The following NUF2 variants were observed in gnomAD, a reference collection of about 807,000 sequenced individuals.
The protein encoded by NUF2 is kinetochore protein Nuf2.
NUF2 carries 34 observed loss-of-function variants against 61.8 expected under a neutral mutation model. That is an observed-to-expected ratio of 0.55 (90% CI 0.42 to 0.73). The LOEUF (loss-of-function observed/expected upper bound fraction) is 0.73. Among genes scored for constraint, NUF2 ranks in the 30% least tolerant of loss-of-function variants. The pLI is 0.00. For synonymous variants in NUF2, 172 were observed against 181.6 expected (o/e 0.95, Z 0.42); for missense variants, 445 against 539.1 (o/e 0.83, Z 1.73).
At chr1:163,327,890 C>A in intron 3 of NUF2, 1 of 359,424 alleles carries the variant, frequency 2.8e-6, no homozygotes, top group Non-Finnish European at 5.0e-6. Context: ...ATATTGTTCT[C>A]TTTTCAGGAA....
chr1:163,328,665 A>T, intron 4 of NUF2, 181 bp from the exon 5 acceptor site: 1 of 526,492 alleles, frequency 1.9e-6, no homozygotes, highest in Non-Finnish European at 3.3e-6. Flanking sequence ...TGATTAATAT[A>T]CAGAAAAAAT....
intron 5 of NUF2, among the ~76,000 whole-genome samples, chr1:163,330,433 G>A (rs978944315): frequency 7.9e-5 from 12 of 152,124 alleles, no homozygotes; most frequent in Non-Finnish European, 1.8e-4. Context: ...TGATCTGTAT[G>A]TCTATCTTTA....
Position 163,338,017 on chromosome 1 carries a change from T to C in NUF2, c.436-3T>C. 1 of 1,612,182 alleles carries C rather than the reference T, an allele frequency of 6.2e-7. No homozygotes were observed. The highest frequency in any genetic ancestry group is 1.7e-5 in the Admixed American group (1 of 59,978). ...TATGAGATGATTAAAATTGCTTTAATAGAAATCCTCTGCGGACAAAATGCA... is the reference window on the plus strand; with the variant it reads ...TATGAGATGATTAAAATTGCTTTAACAGAAATCCTCTGCGGACAAAATGCA... On this transcript the variant is annotated splice_polypyrimidine_tract_variant and splice_region_variant and intron_variant, in intron 6 of 13. Coordinates refer to ENST00000271452, the MANE Select transcript of NUF2 (RefSeq NM_145697.3).
intron 1 of NUF2, among the ~76,000 whole-genome samples, chr1:163,322,552 C>T (rs1466785476): frequency 5.3e-5 from 8 of 152,202 alleles, no homozygotes; most frequent in Non-Finnish European, 8.8e-5. Flanking sequence ...ACTACGCATG[C>T]ATAACGCCAT....
intron 10 of NUF2, 95 bp downstream of exon 10, chr1:163,343,965 A>G (rs1651033179): frequency 1.4e-6 from 1 of 699,622 alleles, no homozygotes; most frequent in Non-Finnish European, 2.1e-6. Flanking sequence ...TTTCTGAATT[A>G]TCTATACTTC....
rs1211916728 is a variant in NUF2, at chr1:163,355,630, T to C, written c.*161T>C. On this transcript the variant is annotated 3_prime_UTR_variant, in exon 14 of 14. Coordinates refer to ENST00000271452, the MANE Select transcript of NUF2 (RefSeq NM_145697.3). ...AGTAGTTAATAAGATGAATTTAATG[T>C]AGGCTTTTATTAATTTATAATTAAA... The C allele has an allele frequency of 1.2e-5, 5 of 428,558 alleles. No individual in the cohort carries two copies. Among genetic ancestry groups the C allele is most frequent in the African/African-American group, 2.1e-5 (1 of 48,670 alleles). The allele number at this position is 428,558 out of a possible 1,614,324, so 26.5% of individuals were successfully genotyped here.
intron 6 of NUF2, 144 bp downstream of exon 6, chr1:163,336,992 T>C (rs556196552): frequency 1.7e-6 from 1 of 585,416 alleles, no homozygotes; most frequent in South Asian, 2.3e-5. Flanking sequence ...TTATATTAAC[T>C]TGCAGATTTT....
At chr1:163,349,388 C>G (rs1651236592) in intron 13 of NUF2, among the ~76,000 whole-genome samples, 1 of 151,958 alleles carries the variant, frequency 6.6e-6, no homozygotes, top group Non-Finnish European at 1.5e-5. Context: ...TAGTATATTC[C>G]TAATATATTT....
intron 7 of NUF2, 97 bp downstream of exon 7, chr1:163,338,190 T>C: frequency 1.2e-6 from 1 of 809,680 alleles, no homozygotes; most frequent in Non-Finnish European, 2.0e-6. Flanking sequence ...CTTAAGTCTC[T>C]TTTATCTCCC....
At chr1:163,346,355 G>A (rs910254503) in intron 11 of NUF2, 1 of 152,148 alleles carries the variant, frequency 6.6e-6, no homozygotes, top group African/African-American at 2.4e-5. Flanking sequence ...GTACAATGAT[G>A]TGAGATGATA....
chr1:163,345,588 G>A (rs1426698253), intron 10 of NUF2, 90 bp from the exon 11 acceptor site: 5 of 1,175,708 alleles, frequency 4.3e-6, no homozygotes, highest in Non-Finnish European at 6.1e-6. Context: ...TATTAAATGT[G>A]GAAATTATTT....
At chr1:163,334,830 G>A (rs1414643416) in intron 5 of NUF2, among the ~76,000 whole-genome samples, 1 of 152,134 alleles carries the variant, frequency 6.6e-6, no homozygotes, top group East Asian at 1.9e-4. Context: ...TTTTTCTTGA[G>A]CCCTCGGTGG....
intron 13 of NUF2, among the ~76,000 whole-genome samples, chr1:163,353,893 G>A (rs867759719): frequency 3.9e-5 from 6 of 152,134 alleles, no homozygotes; most frequent in South Asian, 2.1e-4. Flanking sequence ...ACTTGTTCTC[G>A]GAAGGAAAGT....
In NUF2 at chr1:163,327,698, A is replaced by T. The variant is rs1243686451; in HGVS notation, c.198+136A>T. The T allele has an allele frequency of 6.5e-6, 4 of 613,852 alleles. No individual in the cohort carries two copies. The Admixed American group carries it at 1.2e-4, about 18-fold the overall frequency. 38.0% of individuals were successfully genotyped at this position (613,852 alleles called of 1,614,324 possible). A position where few individuals can be genotyped will look rare whatever the true frequency, so the allele number is the denominator to read the frequency against. ...GACTTTATTTTTAACAAATTCAAAGACATATAAAATTAGTGTCACTTACAA... is the reference window on the plus strand; with the variant it reads ...GACTTTATTTTTAACAAATTCAAAGTCATATAAAATTAGTGTCACTTACAA... On this transcript the variant is annotated intron_variant, in intron 3 of 13. Coordinates refer to ENST00000271452, the MANE Select transcript of NUF2 (RefSeq NM_145697.3).
At chr1:163,328,538 G>A (rs895418489) in intron 4 of NUF2, 18 of 493,896 alleles carry the variant, frequency 3.6e-5, no homozygotes, top group African/African-American at 2.2e-4. Context: ...ACTGTAAGTC[G>A]AAAATTGTTT....
intron 2 of NUF2, among the ~76,000 whole-genome samples, chr1:163,326,860 A>G (rs1650433861): frequency 6.6e-6 from 1 of 152,148 alleles, no homozygotes; most frequent in Non-Finnish European, 1.5e-5. Flanking sequence ...CAGCTTTCTT[A>G]AAAGATTACC....
rs531641285 is a variant in NUF2, at chr1:163,345,299, G to A, written c.808-379G>A. On this transcript the variant is annotated intron_variant, in intron 10 of 13. Transcript: ENST00000271452. ...TTTAAAAGAATTAGCTATAGTAGTC[G>A]TTATTATACAAATGAATGGGAAGAT... is the stretch of plus-strand genomic sequence containing the variant. Among the ~76,000 whole-genome samples the A allele has an allele frequency of 5.7e-4, 86 of 152,168 alleles. 1 individual carries two copies. The highest frequency in any genetic ancestry group is 2.0e-3 in the African/African-American group (81 of 41,530).
intron 2 of NUF2, among the ~76,000 whole-genome samples, chr1:163,326,467 A>G (rs965718449): frequency 6.6e-6 from 1 of 151,772 alleles, no homozygotes; most frequent in Non-Finnish European, 1.5e-5. Flanking sequence ...TATTATTGGA[A>G]TGGTGGTCTG....
chr1:163,341,768 C>G (rs1203879288), intron 9 of NUF2, among the ~76,000 whole-genome samples: 1 of 152,064 alleles, frequency 6.6e-6, no homozygotes, highest in East Asian at 1.9e-4. Flanking sequence ...GCTGGGATTA[C>G]AGGCATCCAC....
Sources: allele counts gnomAD v4.1 joint callset (sites outside exome capture counted in the v4.1 genomes callset), GRCh38; gene constraint gnomAD v4.1.1; transcripts MANE v1.5; gene names NCBI Gene and HGNC (gene_info 2026-07-23, HGNC 2026-07-21).